Variants in SMC1A observed in about 807,000 individuals in gnomAD.
SMC1A encodes the protein structural maintenance of chromosomes protein 1A.
SMC1A carries 4 observed loss-of-function variants against 94.5 expected under a neutral mutation model. The ratio of observed to expected loss-of-function variants is 0.04; its 90% CI spans 0.02 to 0.10. SMC1A has a LOEUF of 0.10. Ranked by LOEUF, SMC1A falls within the 10% of genes least tolerant of loss-of-function variation. The pLI is 1.00. For missense variants in SMC1A, 304 were observed against 989.0 expected (o/e 0.31, Z 9.29); for synonymous variants, 345 against 347.7 (o/e 0.99, Z 0.09).
At position 53,374,290 on chromosome X, in the gene SMC1A, C is replaced by T. The variant is rs1440578601; in HGVS notation, c.*5813G>A. 1.8e-5 allele frequency: 2 copies of T among 111,844 alleles called. No homozygotes were observed. Among genetic ancestry groups the T allele is most frequent in the Non-Finnish European group, 3.8e-5 (2 of 53,126 alleles). The allele number at this position is 111,844 out of a possible 1,213,427, so 9.2% of individuals were successfully genotyped here. ...CTAGAGCCTGGCTTATCTTGTCACC[C>T]CCTCAGCTGCAGGCATCTGTTGCTC... On this transcript the variant is annotated 3_prime_UTR_variant, in exon 25 of 25. Coordinates refer to ENST00000322213, the MANE Select transcript of SMC1A (RefSeq NM_006306.4).
At position 53,405,490 on chromosome X, in the gene SMC1A, C is replaced by T. The variant is rs1556889565; in HGVS notation, c.1911+3G>A. The stretch of plus-strand genomic sequence containing the variant: ...GCTCCAGCCTGGGCAAGGGAATCCA[C>T]ACCTTGTGGCGCTGGTGGCCTCCAA... On this transcript the variant is annotated splice_donor_region_variant and intron_variant, in intron 11 of 24. Coordinates refer to ENST00000322213, the MANE Select transcript of SMC1A (RefSeq NM_006306.4). 8.2e-7 allele frequency: 1 copy of T among 1,212,140 alleles called. No individual in the cohort carries two copies. Among genetic ancestry groups the T allele is most frequent in the South Asian group, 1.8e-5 (1 of 57,034 alleles).
intron 19 of SMC1A, among the ~76,000 whole-genome samples, chrX:53,388,580 C>T (rs781896076): frequency 1.8e-5 from 2 of 108,509 alleles, no homozygotes; most frequent in Admixed American, 2.0e-4. Flanking sequence ...TCAAATATCT[C>T]ATCAATAATT....
chrX:53,414,103 A>G (rs1460805787), intron 3 of SMC1A, among the ~76,000 whole-genome samples: 3 of 110,414 alleles, frequency 2.7e-5, no homozygotes, highest in Non-Finnish European at 5.7e-5. Context: ...ACAAGAACAA[A>G]AAACAAACAA....
At chrX:53,396,176 C>T (rs782646335) in intron 18 of SMC1A, 51 bp downstream of exon 18, 9 of 1,177,531 alleles carry the variant, frequency 7.6e-6, no homozygotes. Flanking sequence ...ACTCCCCATC[C>T]CTGGTTAATG....
chrX:53,383,842 T>G (rs1456455029), intron 19 of SMC1A, among the ~76,000 whole-genome samples: 3 of 112,181 alleles, frequency 2.7e-5, no homozygotes, highest in African/African-American at 9.7e-5. Context: ...CCCTGGTTTC[T>G]GTGCTCACAG....
At chrX:53,385,358 C>T (rs1339745594) in intron 19 of SMC1A, among the ~76,000 whole-genome samples, 1 of 105,773 alleles carries the variant, frequency 9.5e-6, no homozygotes, top group African/African-American at 3.5e-5. Context: ...GCAACCTCCG[C>T]CTCCCAGTTT....
intron 19 of SMC1A, among the ~76,000 whole-genome samples, chrX:53,383,722 T>C (rs967210014): frequency 8.9e-6 from 1 of 112,661 alleles, no homozygotes; most frequent in Admixed American, 9.4e-5. Context: ...TTAGTTCTTA[T>C]GGATATTGCA....
Position 53,383,140 on chromosome X carries a change from T to G in SMC1A, c.3087A>C (p.Glu1029Asp). 8.3e-7 allele frequency: 1 copy of G among 1,208,197 alleles called. No homozygotes were observed. The highest frequency in any genetic ancestry group is 1.7e-5 in the African/African-American group (1 of 57,643). ...RIAAPNMKAM[E>D]KLESVRDKFQ... is the part of the protein sequence containing the mutation. ...ACTTGTCTCGGACACTTTCCAGCTT[T>G]TCCATGGCCTTCATGTTGGGGGCGG... is the stretch of plus-strand genomic sequence containing the variant. Residue 1029 changes from glutamate to aspartate, a missense_variant, in exon 20 of 25, where the codon GAA becomes GAC. Glu to Asp is a conservative substitution (Grantham distance 45). Around this residue, in one of 11 missense-constraint regions of SMC1A, gnomAD observed 17 missense variants for 44.7 expected, o/e 0.38. Transcript: ENST00000322213.
chrX:53,406,524 A>C (rs782746521), intron 9 of SMC1A, among the ~76,000 whole-genome samples: 1 of 112,323 alleles, frequency 8.9e-6, no homozygotes, highest in African/African-American at 3.2e-5. Context: ...CAGATGCCTG[A>C]AAGTATGAAG....
At chrX:53,408,098 G>A (rs1416324135) in intron 9 of SMC1A, among the ~76,000 whole-genome samples, 2 of 111,920 alleles carry the variant, frequency 1.8e-5, no homozygotes, top group Non-Finnish European at 3.8e-5. Flanking sequence ...GGAGGCCGAG[G>A]CGGGCAGATC....
rs149556968 is a variant in SMC1A, at chrX:53,399,453, G to A, written c.2562+136C>T. ...TTTGTGACATTTATCCATTTTTCCC[G>A]TTTAGGTCTTGGTATTTTTCTTATT... On this transcript the variant is annotated intron_variant, in intron 16 of 24. Coordinates refer to ENST00000322213, the MANE Select transcript of SMC1A (RefSeq NM_006306.4). The A allele has an allele frequency of 2.3e-3, 1,313 of 583,148 alleles. 13 individuals are homozygous for A. In the African/African-American group the frequency reaches 0.027, roughly 12 times the overall value. 48.1% of individuals were successfully genotyped at this position (583,148 alleles called of 1,213,427 possible). A position where few individuals can be genotyped will look rare whatever the true frequency, so the allele number is the denominator to read the frequency against.
intron 1 of SMC1A, 141 bp from the exon 2 acceptor site, chrX:53,415,310 C>A: frequency 1.9e-6 from 1 of 528,018 alleles, no homozygotes; most frequent in Non-Finnish European, 3.2e-6. Context: ...CTCCTCTGTC[C>A]CCATAAAGAC....
chrX:53,382,440 A>G, intron 21 of SMC1A, 57 bp from the exon 22 acceptor site: 5 of 1,197,099 alleles, frequency 4.2e-6, no homozygotes, highest in Non-Finnish European at 5.6e-6. Flanking sequence ...AGATAGGGAC[A>G]GGAAGCCTAG....
intron 19 of SMC1A, 31 bp downstream of exon 19, chrX:53,394,747 C>CCCCCCCCCCCCCCGGGGTTTTG: frequency 1.5e-6 from 1 of 658,480 alleles, no homozygotes; most frequent in Non-Finnish European, 2.4e-6. Flanking sequence ...CCAACCCCCA[C>CCCCCCCCCCCCCCGGGGTTTTG]CCCCACCACA....
intron 16 of SMC1A, among the ~76,000 whole-genome samples, chrX:53,398,981 T>C (rs1869807946): frequency 9.0e-6 from 1 of 111,399 alleles, no homozygotes. Context: ...GGCTCATGCT[T>C]GTAATCCCAG....
intron 1 of SMC1A, chrX:53,422,146 G>C (rs1236206149): frequency 6.6e-6 from 6 of 912,710 alleles, no homozygotes; most frequent in Non-Finnish European, 9.1e-6. Flanking sequence ...GGCTCCGGCC[G>C]GTCCGGCGGG....
chrX:53,379,817 C>A lies in SMC1A; in HGVS notation c.*286G>T, dbSNP rs1249575003. The A allele has an allele frequency of 2.5e-6, 1 of 406,197 alleles. No individual in the cohort carries two copies. The highest frequency in any genetic ancestry group is 2.5e-5 in the African/African-American group (1 of 40,052). 33.5% of individuals were successfully genotyped at this position (406,197 alleles called of 1,213,427 possible). ...GTGGGCAAGAGGCCCAAGGGGCCCACGATTATGGGTGATGAGGGGGAGGAA... is the reference window on the plus strand; with the variant it reads ...GTGGGCAAGAGGCCCAAGGGGCCCAAGATTATGGGTGATGAGGGGGAGGAA... On this transcript the variant is annotated 3_prime_UTR_variant, in exon 25 of 25. Coordinates refer to ENST00000322213, the MANE Select transcript of SMC1A (RefSeq NM_006306.4).
chrX:53,388,049 A>G (rs1556886658), intron 19 of SMC1A, among the ~76,000 whole-genome samples: 1 of 111,880 alleles, frequency 8.9e-6, no homozygotes, highest in Non-Finnish European at 1.9e-5. Context: ...CAGTAAACAC[A>G]GAAATGATAG....
chrX:53,415,857 A>C (rs1397428282), intron 1 of SMC1A, among the ~76,000 whole-genome samples: 2 of 109,080 alleles, frequency 1.8e-5, no homozygotes, highest in Non-Finnish European at 3.8e-5. Flanking sequence ...AAAAAAAAAA[A>C]AGAGGAAAGA....
Sources: allele counts gnomAD v4.1 joint callset (sites outside exome capture counted in the v4.1 genomes callset), GRCh38; gene constraint gnomAD v4.1.1; regional missense constraint gnomAD v4.1.1; transcripts MANE v1.5; gene names NCBI Gene and HGNC (gene_info 2026-07-23, HGNC 2026-07-21).